Variants in FAM186A observed in about 807,000 individuals in gnomAD.
FAM186A encodes the protein family with sequence similarity 186 member A.
Under a neutral mutation model 216.8 loss-of-function variants are expected in FAM186A, and 163 were observed. That is an observed-to-expected ratio of 0.75 (90% CI 0.66 to 0.86). The LOEUF (loss-of-function observed/expected upper bound fraction) is 0.86. Ranked by LOEUF, FAM186A falls within the 40% of genes least tolerant of loss-of-function variation. The probability of loss-of-function intolerance (pLI) is 0.00; values close to 1 mark genes in which losing one functional copy is unlikely to be tolerated. For missense variants in FAM186A, 2,184 were observed against 2,746.2 expected (o/e 0.80, Z 4.58); for synonymous variants, 805 against 1,025.3 (o/e 0.79, Z 4.10).
At chr12:50,396,180 C>T in intron 1 of FAM186A, 113 bp downstream of exon 1, 1 of 1,034,764 alleles carries the variant, frequency 9.7e-7, no homozygotes, top group Non-Finnish European at 1.3e-6. Context: ...CAAAGCTACC[C>T]TAAATACAGT....
At chr12:50,347,818 G>C (rs1450206714) in intron 4 of FAM186A, among the ~76,000 whole-genome samples, 1 of 152,084 alleles carries the variant, frequency 6.6e-6, no homozygotes, top group Non-Finnish European at 1.5e-5. Flanking sequence ...CCTGCTGCCT[G>C]CTGCCTCCAG....
At chr12:50,328,268 A>G (rs1942624098) in intron 7 of FAM186A, among the ~76,000 whole-genome samples, 1 of 152,180 alleles carries the variant, frequency 6.6e-6, no homozygotes, top group Non-Finnish European at 1.5e-5. Context: ...GCTACTTGGG[A>G]GACTAAAGCA....
At chr12:50,373,687 T>A (rs938083022) in intron 1 of FAM186A, among the ~76,000 whole-genome samples, 2 of 152,150 alleles carry the variant, frequency 1.3e-5, no homozygotes, top group Non-Finnish European at 2.9e-5. Flanking sequence ...ATAGGAACAC[T>A]TTTACACTGT....
In FAM186A at chr12:50,354,476, G is replaced by A. The variant is rs1045904288; in HGVS notation, c.2356C>T (p.Pro786Ser). 7.7e-6 allele frequency: 12 copies of A among 1,551,546 alleles called. No individual in the cohort carries two copies. In the African/African-American group the frequency reaches 8.2e-5, roughly 11 times the overall value. ...STLLSYESTDPVINNLIQMIL... is the reference protein window; with the variant it reads ...STLLSYESTDSVINNLIQMIL... ...ATTTGTATTAAATTGTTAATTACTG[G>A]ATCTGTGCTCTCATATGAGAGGAGG... Residue 786 changes from proline to serine, a missense_variant, in exon 4 of 8, where the codon CCA becomes TCA. Physicochemically the swap from Pro to Ser is moderately conservative, Grantham distance 74. Around this residue, in one of 7 missense-constraint regions of FAM186A, gnomAD observed 1,132 missense variants for 1,263.4 expected, o/e 0.90. Transcript: ENST00000327337.
At chr12:50,348,128 T>A (rs1483533091) in intron 4 of FAM186A, among the ~76,000 whole-genome samples, 2 of 134,826 alleles carry the variant, frequency 1.5e-5, no homozygotes, top group East Asian at 4.9e-4. Context: ...CACTGCAACC[T>A]CCACCTCCCG....
rs944265291 is a variant in FAM186A at position 50,350,706 on chromosome 12, C to T, written c.6126G>A (p.Lys2042=). 2.6e-6 allele frequency: 4 copies of T among 1,551,462 alleles called. No homozygotes were observed. The highest frequency in any genetic ancestry group is 3.5e-6 in the Non-Finnish European group (4 of 1,146,992). ...TDERALLTLM[K]PTTSPSSLTT... ...TGAGAGAAGATGGTGATGTTGTTGG[C>T]TTCATGAGAGTGAGAAGGGCCCTTT... is the stretch of plus-strand genomic sequence containing the variant. The change falls in exon 4 of 8, where the codon AAG becomes AAA. Residue 2042 remains lysine, a synonymous_variant. Transcript: ENST00000327337.
At chr12:50,329,369 G>C (rs1387193938) in intron 7 of FAM186A, among the ~76,000 whole-genome samples, 3 of 152,064 alleles carry the variant, frequency 2.0e-5, no homozygotes, top group Middle Eastern at 3.4e-3. Context: ...GAAAATCAGA[G>C]ACCAGAAAAA....
rs535579607 is a variant in FAM186A, at chr12:50,334,092, A to C, written c.6515T>G (p.Met2172Arg). 2.8e-5 allele frequency: 43 copies of C among 1,544,380 alleles called. No individual in the cohort carries two copies. The South Asian group carries it at 5.0e-4, about 18-fold the overall frequency. The change falls in exon 5 of 8, where the codon ATG becomes AGG. Residue 2172 changes from methionine (M) to arginine (R), a missense_variant. Around this residue, in one of 7 missense-constraint regions of FAM186A, gnomAD observed 721 missense variants for 816.4 expected, o/e 0.88. Coordinates refer to ENST00000327337, the MANE Select transcript of FAM186A (RefSeq NM_001145475.3). The part of the protein sequence containing the change: ...RLIQHARNNI[M>R]KRLKAIQNTG... ...ATTTTGGATGGCTTTTAGTCGTTTCATTATGTTGTTCCTTGAAAAGATTAA... is the reference window on the plus strand; with the variant it reads ...ATTTTGGATGGCTTTTAGTCGTTTCCTTATGTTGTTCCTTGAAAAGATTAA...
At chr12:50,365,776 A>G (rs1280704665) in intron 1 of FAM186A, 4 of 756,080 alleles carry the variant, frequency 5.3e-6, no homozygotes, top group Non-Finnish European at 9.7e-6. Flanking sequence ...AGACAGAAGT[A>G]CAACATGTGA....
intron 4 of FAM186A, among the ~76,000 whole-genome samples, chr12:50,349,782 C>T (rs913985743): frequency 2.0e-5 from 3 of 152,020 alleles, no homozygotes; most frequent in African/African-American, 7.3e-5. Context: ...CCCAAGTAAT[C>T]CTGGGATTAC....
Position 50,366,737 on chromosome 12 carries a change from GCACAGTAGCT to G in FAM186A, c.193-3383_193-3374del, listed in dbSNP as rs371272314. Among the ~76,000 whole-genome samples, 1,226 of 151,660 alleles carry G rather than the reference GCACAGTAGCT, an allele frequency of 8.1e-3. 16 individuals are homozygous for G. The highest frequency in any genetic ancestry group is 0.028 in the African/African-American group (1,157 of 41,286). Reference sequence around the variant, plus strand: ...AAAAAAAAAATACACAAGAGGCTGGGCACAGTAGCTCACGCCTGTAATCCCAGCACTTTGA... The same window carrying G: ...AAAAAAAAAATACACAAGAGGCTGGGCACGCCTGTAATCCCAGCACTTTGA... On this transcript the variant is annotated intron_variant, in intron 1 of 7. Transcript: ENST00000327337.
In FAM186A at chr12:50,355,780, TTCAA is replaced by T; in HGVS notation, c.1048_1051del (p.Leu350LysfsTer14). The T allele has an allele frequency of 6.4e-7, 1 of 1,551,690 alleles. No individual in the cohort carries two copies. Among genetic ancestry groups the T allele is most frequent in the Non-Finnish European group, 8.7e-7 (1 of 1,146,990 alleles). The stretch of plus-strand genomic sequence containing the variant: ...CTGTGGAGAAGGTCCAGGTAACACT[TTCAA>T]GGTTGATGATGTGGACAATTTTGCA... On this transcript the variant is annotated frameshift_variant, in exon 4 of 8. Coordinates refer to ENST00000327337, the MANE Select transcript of FAM186A (RefSeq NM_001145475.3). LOFTEE classifies it high-confidence loss of function.
chr12:50,381,389 C>G (rs1943252513), intron 1 of FAM186A, among the ~76,000 whole-genome samples: 1 of 152,080 alleles, frequency 6.6e-6, no homozygotes, highest in South Asian at 2.1e-4. Context: ...GACAGAACAG[C>G]TCAGAGGAGA....
In FAM186A at chr12:50,357,249, C is replaced by T. The variant is rs542514528; in HGVS notation, c.584-1001G>A. Reference sequence around the variant, plus strand: ...TTTGGCCAGGCGCAATGGCTCATGCCTGTAATCCCAGCACTTTGGGAAGCT... The same window carrying T: ...TTTGGCCAGGCGCAATGGCTCATGCTTGTAATCCCAGCACTTTGGGAAGCT... On this transcript the variant is annotated intron_variant, in intron 3 of 7. Coordinates refer to ENST00000327337, the MANE Select transcript of FAM186A (RefSeq NM_001145475.3). Among the ~76,000 whole-genome samples the T allele has an allele frequency of 3.9e-5, 6 of 152,070 alleles. No homozygotes were observed. The East Asian group carries it at 1.2e-3, about 30-fold the overall frequency.
In FAM186A at chr12:50,363,287, C is replaced by T. The variant is rs534718671; in HGVS notation, c.270G>A (p.Ser90=). 10 of 1,551,394 alleles carry T rather than the reference C, an allele frequency of 6.4e-6. No homozygotes were observed. Among genetic ancestry groups the T allele is most frequent in the Middle Eastern group, 1.7e-4 (1 of 5,978 alleles). ...TAAGGGAGACATTCCTTTCAGAGGACGAGTTAAAAACAAGAGTATAGCGAG... is the reference window on the plus strand; with the variant it reads ...TAAGGGAGACATTCCTTTCAGAGGATGAGTTAAAAACAAGAGTATAGCGAG... ...IMTRYTLVFN[S]SSERNVSLTE... The change falls in exon 2 of 8, where the codon TCG becomes TCA. Residue 90 remains serine, a synonymous_variant. Transcript: ENST00000327337.
At chr12:50,332,000 A>G (rs1046585127) in intron 5 of FAM186A, among the ~76,000 whole-genome samples, 179 bp from the exon 6 acceptor site, 3 of 152,182 alleles carry the variant, frequency 2.0e-5, no homozygotes, top group Non-Finnish European at 4.4e-5. Context: ...GCTCTGCTAC[A>G]TAAAAACCTT....
intron 1 of FAM186A, among the ~76,000 whole-genome samples, chr12:50,379,490 A>AC (rs1219267457): frequency 6.6e-6 from 1 of 151,140 alleles, no homozygotes; most frequent in African/African-American, 2.4e-5. Context: ...AAAAACAAAA[A>AC]AAAACTAAAG....
chr12:50,361,060 C>G (rs1261156360), intron 2 of FAM186A, 134 bp from the exon 3 acceptor site: 1 of 575,308 alleles, frequency 1.7e-6, no homozygotes, highest in Non-Finnish European at 2.8e-6. Flanking sequence ...TACTGCCATT[C>G]TGAGGCTTTT....
At chr12:50,362,623 G>C (rs1214523063) in intron 2 of FAM186A, among the ~76,000 whole-genome samples, 2 of 151,290 alleles carry the variant, frequency 1.3e-5, no homozygotes, top group African/African-American at 4.9e-5. Flanking sequence ...GCATGCCTCT[G>C]GTCCCAGCTA....
Sources: allele counts gnomAD v4.1 joint callset (sites outside exome capture counted in the v4.1 genomes callset), GRCh38; gene constraint gnomAD v4.1.1; regional missense constraint gnomAD v4.1.1; transcripts MANE v1.5; gene names NCBI Gene and HGNC (gene_info 2026-07-23, HGNC 2026-07-21).